FBN2: variants seen among roughly 807,000 people sequenced by gnomAD.
FBN2 encodes fibrillin-2.
A neutral mutation model predicts 355.6 loss-of-function variants in FBN2; 105 were observed. The ratio of observed to expected loss-of-function variants is 0.30; its 90% CI spans 0.25 to 0.35. The LOEUF (loss-of-function observed/expected upper bound fraction) is 0.35. Ranked by LOEUF, FBN2 falls within the 10% of genes least tolerant of loss-of-function variation. The pLI is 1.00. For missense variants in FBN2, 3,280 were observed against 3,758.7 expected (o/e 0.87, Z 3.33); for synonymous variants, 1,350 against 1,301.2 (o/e 1.04, Z -0.81).
At chr5:128,301,291 T>A in intron 47 of FBN2, 91 bp downstream of exon 47, 8 of 1,166,968 alleles carry the variant, frequency 6.9e-6, no homozygotes, top group Non-Finnish European at 8.9e-6. Context: ...AAATGAAATA[T>A]TAATGAGTTC....
intron 7 of FBN2, among the ~76,000 whole-genome samples, chr5:128,420,862 G>C (rs1753328219): frequency 6.6e-6 from 1 of 152,082 alleles, no homozygotes; most frequent in Non-Finnish European, 1.5e-5. Flanking sequence ...TGTGAAACAA[G>C]GCACAATATA....
intron 7 of FBN2, chr5:128,442,428 T>G (rs1448328504): frequency 2.2e-6 from 1 of 453,002 alleles, no homozygotes. Context: ...GAGCTGTCTT[T>G]TAGTGTACCA....
intron 6 of FBN2, among the ~76,000 whole-genome samples, chr5:128,451,107 C>T (rs1754228902): frequency 6.6e-6 from 1 of 152,100 alleles, no homozygotes; most frequent in African/African-American, 2.4e-5. Flanking sequence ...TGTGTCAGTA[C>T]ATATCAATTT....
chr5:128,343,019 T>C (rs562068186), intron 25 of FBN2, among the ~76,000 whole-genome samples: 36 of 152,130 alleles, frequency 2.4e-4, no homozygotes, highest in African/African-American at 7.9e-4. Context: ...TGAGCCACCA[T>C]GCCCAGCGGG....
intron 25 of FBN2, among the ~76,000 whole-genome samples, chr5:128,344,086 ATAAT>A (rs1189844418): frequency 1.3e-5 from 2 of 151,996 alleles, no homozygotes; most frequent in African/African-American, 4.8e-5. Context: ...AAATAAATAA[ATAAT>A]TAACTTTTTA....
At chr5:128,388,641 T>A (rs557787117) in intron 11 of FBN2, among the ~76,000 whole-genome samples, 38 of 152,342 alleles carry the variant, frequency 2.5e-4, no homozygotes, top group Non-Finnish European at 5.0e-4. Flanking sequence ...TTTCTTTTCT[T>A]TAAGAATGCT....
chr5:128,456,887 T>C (rs1426705686), intron 6 of FBN2, among the ~76,000 whole-genome samples: 4 of 151,628 alleles, frequency 2.6e-5, no homozygotes, highest in Non-Finnish European at 4.4e-5. Context: ...AAGGCCAGAG[T>C]GCCTCTTCTC....
At position 128,318,160 on chromosome 5, in the gene FBN2, A is replaced by G; in HGVS notation, c.4706T>C (p.Val1569Ala). Reference protein sequence around the residue: ...PPDFQLNPTGVGCVDNRVGNC... With the variant: ...PPDFQLNPTGAGCVDNRVGNC... Reference sequence around the variant, plus strand: ...ATAGCTTTACTTACCAACACAACCCACACCAGTTGGGTTCAACTGAAAATC... The same window carrying G: ...ATAGCTTTACTTACCAACACAACCCGCACCAGTTGGGTTCAACTGAAAATC... The change falls in exon 36 of 65, where the codon GTG (valine) becomes GCG (alanine). Residue 1569 changes from valine (V) to alanine (A), a missense_variant. Transcript: ENST00000262464. 6.2e-7 allele frequency: 1 copy of G among 1,614,124 alleles called. No individual in the cohort carries two copies. Among genetic ancestry groups the G allele is most frequent in the Non-Finnish European group, 8.5e-7 (1 of 1,179,954 alleles).
intron 27 of FBN2, 136 bp from the exon 28 acceptor site, chr5:128,336,249 T>C (rs968190979): frequency 2.3e-5 from 20 of 859,176 alleles, no homozygotes; most frequent in Non-Finnish European, 2.7e-5. Flanking sequence ...TCCTGGGGGA[T>C]TGAAAGAAAA....
In FBN2 at chr5:128,307,918, C is replaced by G. The variant is rs546383922; in HGVS notation, c.5354-715G>C. Among the ~76,000 whole-genome samples, 43 of 152,060 alleles carry G rather than the reference C, an allele frequency of 2.8e-4. 1 individual carries two copies. The South Asian group carries it at 8.3e-3, about 29-fold the overall frequency. ...CTGCATACTATATTCCAAGTGCTATCAGGTCAGGGATATTGTATATTTCAT... is the reference window on the plus strand; with the variant it reads ...CTGCATACTATATTCCAAGTGCTATGAGGTCAGGGATATTGTATATTTCAT... On this transcript the variant is annotated intron_variant, in intron 41 of 64. Transcript: ENST00000262464.
At position 128,344,414 on chromosome 5, in the gene FBN2, G is replaced by A. The variant is rs1225972395; in HGVS notation, c.3314C>T (p.Ala1105Val). 1.2e-6 allele frequency: 2 copies of A among 1,613,818 alleles called. No homozygotes were observed. Among genetic ancestry groups the A allele is most frequent in the East Asian group, 2.2e-5 (1 of 44,886 alleles). Reference sequence around the variant, plus strand: ...GCAGTTTCTTTCCTCCATGTCTAGAGCAAAGCCACTATTGCAACGGCATTT... The same window carrying A: ...GCAGTTTCTTTCCTCCATGTCTAGAACAAAGCCACTATTGCAACGGCATTT... The part of the protein sequence containing the change: ...SFKCRCNSGF[A>V]LDMEERNCTD... The change falls in exon 25 of 65, where the codon GCT becomes GTT. Residue 1105 changes from alanine to valine, a missense_variant. Around this residue, in one of 6 missense-constraint regions of FBN2, gnomAD observed 2,284 missense variants for 2,749.5 expected, o/e 0.83. Coordinates refer to ENST00000262464, the MANE Select transcript of FBN2 (RefSeq NM_001999.4).
At chr5:128,270,924 A>G (rs1450284910) in intron 62 of FBN2, among the ~76,000 whole-genome samples, 2 of 152,190 alleles carry the variant, frequency 1.3e-5, no homozygotes, top group Non-Finnish European at 2.9e-5. Context: ...GGTAATTTAA[A>G]TAATTTTTTG....
intron 23 of FBN2, among the ~76,000 whole-genome samples, chr5:128,347,836 T>C (rs917138909): frequency 6.6e-6 from 1 of 152,106 alleles, no homozygotes; most frequent in Non-Finnish European, 1.5e-5. Context: ...TAGGGTATAG[T>C]GGTGCGACCT....
chr5:128,535,012 A>G (rs983685896), intron 2 of FBN2, among the ~76,000 whole-genome samples: 1 of 152,214 alleles, frequency 6.6e-6, no homozygotes, highest in Non-Finnish European at 1.5e-5. Flanking sequence ...CAGCCATGGT[A>G]ATGCCCTACT....
chr5:128,294,423 A>G (rs1325245370), intron 48 of FBN2, among the ~76,000 whole-genome samples: 1 of 152,146 alleles, frequency 6.6e-6, no homozygotes, highest in African/African-American at 2.4e-5. Flanking sequence ...ACTGACTTCC[A>G]CAACGGTTGA....
In FBN2 at chr5:128,335,893, A is replaced by C. The variant is rs1180206803; in HGVS notation, c.3724+95T>G. 5 of 1,341,236 alleles carry C rather than the reference A, an allele frequency of 3.7e-6. No homozygotes were observed. In the East Asian group the frequency reaches 1.2e-4, roughly 32 times the overall value. 83.1% of individuals were successfully genotyped at this position (1,341,236 alleles called of 1,614,324 possible). On this transcript the variant is annotated intron_variant, in intron 28 of 64. Transcript: ENST00000262464. ...AGTCTTACATTCATTTTTGGGACAA[A>C]GGATTTGCATAGCCTTCATTATAAT...
intron 3 of FBN2, among the ~76,000 whole-genome samples, chr5:128,528,458 G>A (rs1205403851): frequency 6.6e-6 from 1 of 152,178 alleles, no homozygotes; most frequent in Non-Finnish European, 1.5e-5. Flanking sequence ...GACTAGTCTG[G>A]AGCCAAGAAG....
chr5:128,509,580 T>C (rs560084357), intron 5 of FBN2, among the ~76,000 whole-genome samples: 8 of 152,214 alleles, frequency 5.3e-5, no homozygotes, highest in Non-Finnish European at 1.0e-4. Flanking sequence ...TTTTTTTCCA[T>C]TTTGATCATG....
intron 56 of FBN2, among the ~76,000 whole-genome samples, chr5:128,279,480 T>C (rs1765479546): frequency 6.6e-6 from 1 of 152,116 alleles, no homozygotes. Context: ...AAGGTATAGA[T>C]TAGAGATAAC....
Sources: allele counts gnomAD v4.1 joint callset (sites outside exome capture counted in the v4.1 genomes callset), GRCh38; gene constraint gnomAD v4.1.1; regional missense constraint gnomAD v4.1.1; transcripts MANE v1.5; gene names NCBI Gene and HGNC (gene_info 2026-07-23, HGNC 2026-07-21).